The following RHOD variants were observed in gnomAD, a reference collection of about 807,000 sequenced individuals.
RHOD encodes the protein ras homolog family member D.
RHOD carries 11 observed loss-of-function variants against 16.7 expected under a neutral mutation model. That is an observed-to-expected ratio of 0.66 (90% confidence interval 0.41 to 1.09). The LOEUF is 1.09. Among genes scored for constraint, RHOD ranks in the 50% least tolerant of loss-of-function variants. The pLI, the probability that RHOD is intolerant of heterozygous loss-of-function variation, is 0.00. For missense variants in RHOD, 271 were observed against 291.7 expected (o/e 0.93, Z 0.52); for synonymous variants, 124 against 126.3 (o/e 0.98, Z 0.12).
intron 4 of RHOD, 136 bp from the exon 5 acceptor site, chr11:67,071,299 C>G: frequency 1.5e-6 from 1 of 657,228 alleles, no homozygotes; most frequent in Non-Finnish European, 2.3e-6. Flanking sequence ...CATGAGGGCG[C>G]TTGGGCAAGC....
At chr11:67,060,627 A>G (rs1854874198) in intron 1 of RHOD, among the ~76,000 whole-genome samples, 1 of 152,228 alleles carries the variant, frequency 6.6e-6, no homozygotes. Context: ...CTCTGTCACT[A>G]GCCAGCTGTT....
chr11:67,059,643 G>A (rs1012215431), intron 1 of RHOD, among the ~76,000 whole-genome samples: 2 of 152,112 alleles, frequency 1.3e-5, no homozygotes, highest in African/African-American at 4.8e-5. Context: ...TTGCAGATGG[G>A]AAAACTGAGT....
intron 1 of RHOD, among the ~76,000 whole-genome samples, chr11:67,065,483 G>A (rs921249074): frequency 1.3e-5 from 2 of 151,762 alleles, no homozygotes; most frequent in Non-Finnish European, 2.9e-5. Flanking sequence ...AGCAATTCTC[G>A]TGCCTCAGCC....
chr11:67,057,058 C>T, intron 1 of RHOD, 24 bp downstream of exon 1: 1 of 1,414,710 alleles, frequency 7.1e-7, no homozygotes, highest in Non-Finnish European at 9.1e-7. Context: ...GCCTCCGCCT[C>T]GCCCGGTTCC....
chr11:67,059,728 C>T (rs994154307), intron 1 of RHOD, among the ~76,000 whole-genome samples: 1 of 152,216 alleles, frequency 6.6e-6, no homozygotes, highest in East Asian at 1.9e-4. Context: ...GGTCTTCCCC[C>T]TCCCGACCAG....
intron 1 of RHOD, among the ~76,000 whole-genome samples, chr11:67,061,755 A>AT (rs1555071106): frequency 0.043 from 5,467 of 126,960 alleles, 135 homozygotes; most frequent in Non-Finnish European, 0.049. Flanking sequence ...AAAAAAAAAA[A>AT]ATATATATAT....
At chr11:67,064,776 G>A (rs777924763) in intron 1 of RHOD, among the ~76,000 whole-genome samples, 3 of 152,110 alleles carry the variant, frequency 2.0e-5, no homozygotes, top group African/African-American at 2.4e-5. Context: ...GAGTCCCAGC[G>A]GTGTGTGCCA....
chr11:67,071,467 G>A lies in RHOD; in HGVS notation c.498G>A (p.Val166=). 6.2e-7 allele frequency: 1 copy of A among 1,604,114 alleles called. No homozygotes were observed. The highest frequency in any genetic ancestry group is 8.5e-7 in the Non-Finnish European group (1 of 1,176,364). Residue 166 remains valine (V), a synonymous_variant, in exon 5 of 5, where the codon GTG becomes GTA. Transcript: ENST00000308831. ...AGATGGCGAGGTCCGTGGGCGCGGT[G>A]GCCTACCTCGAGTGCTCGGCTCGGC... ...GQEMARSVGA[V]AYLECSARLH... is the part of the protein sequence containing the mutation.
At chr11:67,057,512 C>T (rs1018136571) in intron 1 of RHOD, among the ~76,000 whole-genome samples, 2 of 152,206 alleles carry the variant, frequency 1.3e-5, no homozygotes, top group African/African-American at 4.8e-5. Context: ...ACCTCAAGCA[C>T]TCAGCCCCGG....
intron 1 of RHOD, among the ~76,000 whole-genome samples, chr11:67,058,630 C>G (rs958339002): frequency 6.6e-6 from 1 of 152,140 alleles, no homozygotes; most frequent in Non-Finnish European, 1.5e-5. Flanking sequence ...CTTTTCTTCC[C>G]AGCATCCTCT....
chr11:67,069,244 GTC>G (rs1854995298), intron 3 of RHOD, among the ~76,000 whole-genome samples: 2 of 152,246 alleles, frequency 1.3e-5, no homozygotes, highest in South Asian at 4.1e-4. Flanking sequence ...CCCAGCTGTA[GTC>G]CAGGCTGAAA....
At chr11:67,064,161 C>A (rs1371789543) in intron 1 of RHOD, among the ~76,000 whole-genome samples, 1 of 142,842 alleles carries the variant, frequency 7.0e-6, no homozygotes, top group Non-Finnish European at 1.5e-5. Context: ...AATCCCAGCA[C>A]TTTGGGAGGC....
intron 1 of RHOD, among the ~76,000 whole-genome samples, chr11:67,057,306 G>T (rs906147851): frequency 6.6e-6 from 1 of 152,248 alleles, no homozygotes; most frequent in Non-Finnish European, 1.5e-5. Context: ...TCCTAAGACA[G>T]CACTTGGCCA....
rs762174391 is a variant in RHOD at position 67,071,636 on chromosome 11, G to T, written c.*34G>T. ...GGGCGTCCCAGCGACGCGGGAAGGG[G>T]CAGGGCGCTGACCTGCTGCTGAGCT... On this transcript the variant is annotated 3_prime_UTR_variant, in exon 5 of 5. Transcript: ENST00000308831. The T allele has an allele frequency of 1.3e-6, 2 of 1,547,354 alleles. No individual in the cohort carries two copies. The highest frequency in any genetic ancestry group is 1.7e-6 in the Non-Finnish European group (2 of 1,145,322).
chr11:67,057,019 T>C lies in RHOD; in HGVS notation c.117T>C (p.Asp39=). 10 of 1,500,052 alleles carry C rather than the reference T, an allele frequency of 6.7e-6. No individual in the cohort carries two copies. The highest frequency in any genetic ancestry group is 5.8e-5 in the African/African-American group (4 of 69,128). The allele number at this position is 1,500,052 out of a possible 1,614,324, so 92.9% of individuals were successfully genotyped here. ...CGTCGCTGCTGATGGTCTTCGCCGA[T>C]GGGGCCTTCCCCGAGGTGAGTGCCC... ...GKTSLLMVFA[D]GAFPESYTPT... is the part of the protein sequence containing the mutation. Residue 39 remains aspartate (D), a synonymous_variant, in exon 1 of 5, where the codon GAT becomes GAC. Coordinates refer to ENST00000308831, the MANE Select transcript of RHOD (RefSeq NM_014578.4).
In RHOD at chr11:67,066,838, C is replaced by A. The variant is rs1443589540; in HGVS notation, c.321C>A (p.Ile107=). Residue 107 remains isoleucine (I), a synonymous_variant, in exon 3 of 5, where the codon ATC becomes ATA. Coordinates refer to ENST00000308831, the MANE Select transcript of RHOD (RefSeq NM_014578.4). ...DVTSPNSFDN[I]FNRWYPEVNH... ...CCAGCCCGAACAGCTTTGACAACAT[C>A]TTTAACCGGGTAGGTACTGGGGGGC... 1 of 1,610,678 alleles carries A rather than the reference C, an allele frequency of 6.2e-7. No homozygotes were observed. The highest frequency in any genetic ancestry group is 8.5e-7 in the Non-Finnish European group (1 of 1,176,888).
intron 3 of RHOD, among the ~76,000 whole-genome samples, chr11:67,069,243 A>T (rs1043063282): frequency 1.3e-5 from 2 of 152,342 alleles, no homozygotes; most frequent in Admixed American, 6.5e-5. Context: ...CCCCAGCTGT[A>T]GTCCAGGCTG....
At chr11:67,062,694 C>T (rs917133396) in intron 1 of RHOD, among the ~76,000 whole-genome samples, 1 of 152,218 alleles carries the variant, frequency 6.6e-6, no homozygotes, top group Non-Finnish European at 1.5e-5. Flanking sequence ...CAGGGCCTGA[C>T]TCAGAGGGCC....
At chr11:67,058,920 G>A (rs961830339) in intron 1 of RHOD, among the ~76,000 whole-genome samples, 1 of 152,170 alleles carries the variant, frequency 6.6e-6, no homozygotes, top group Non-Finnish European at 1.5e-5. Context: ...CCAACAATGA[G>A]GGCACCCGGG....
Sources: gnomAD v4.1 joint callset for allele counts (sites outside exome capture counted in the v4.1 genomes callset) on GRCh38, gnomAD v4.1.1 for gene constraint, MANE v1.5 for transcripts, NCBI Gene and HGNC (gene_info 2026-07-23, HGNC 2026-07-21) for gene names.